The following PTPRK variants were observed in gnomAD, a reference collection of about 807,000 sequenced individuals.
The protein encoded by PTPRK is receptor-type tyrosine-protein phosphatase kappa.
Under a neutral mutation model 178.0 loss-of-function variants are expected in PTPRK, and 75 were observed. That is an observed-to-expected ratio of 0.42 (90% CI 0.35 to 0.51). The LOEUF is 0.51. Among genes scored for constraint, PTPRK ranks in the 20% least tolerant of loss-of-function variants. The pLI is 0.02. For synonymous variants in PTPRK, 637 were observed against 620.6 expected (o/e 1.03, Z -0.39); for missense variants, 1,441 against 1,797.8 (o/e 0.80, Z 3.59).
intron 7 of PTPRK, among the ~76,000 whole-genome samples, chr6:128,176,402 G>A (rs936219225): frequency 2.6e-5 from 4 of 151,758 alleles, no homozygotes; most frequent in Admixed American, 2.6e-4. Flanking sequence ...AATGAAAGAT[G>A]AGTTCTTTAA....
At chr6:128,265,552 C>G (rs1221748558) in intron 3 of PTPRK, among the ~76,000 whole-genome samples, 1 of 152,066 alleles carries the variant, frequency 6.6e-6, no homozygotes, top group Non-Finnish European at 1.5e-5. Context: ...CAAGGTCGCA[C>G]AGCTATTCAG....
At chr6:127,991,725 C>A (rs1776639709) in intron 19 of PTPRK, among the ~76,000 whole-genome samples, 2 of 151,406 alleles carry the variant, frequency 1.3e-5, no homozygotes, top group Admixed American at 1.3e-4. Flanking sequence ...CTTATACCAC[C>A]ATCAACCAGA....
chr6:128,430,811 A>T (rs770088849), intron 1 of PTPRK, among the ~76,000 whole-genome samples: 8 of 152,150 alleles, frequency 5.3e-5, no homozygotes, highest in Non-Finnish European at 1.2e-4. Context: ...CTGAACTGGC[A>T]CCACACACCC....
chr6:128,458,988 A>G (rs1848711299), intron 1 of PTPRK, among the ~76,000 whole-genome samples: 1 of 152,178 alleles, frequency 6.6e-6, no homozygotes, highest in African/African-American at 2.4e-5. Context: ...AAAATTATAT[A>G]TACACTTAAA....
At chr6:128,221,523 CAAAAAAAA>C (rs578034379) in intron 5 of PTPRK, among the ~76,000 whole-genome samples, 2 of 122,374 alleles carry the variant, frequency 1.6e-5, no homozygotes, top group African/African-American at 5.8e-5. Context: ...GATTCTGTCT[CAAAAAAAA>C]AAAAAATAAT....
In PTPRK at chr6:128,314,803, A is replaced by G. The variant is rs149697195; in HGVS notation, c.495+7236T>C. On this transcript the variant is annotated intron_variant, in intron 3 of 29. Transcript: ENST00000368226. ...GAACTAATCCAAACCTTTACCCAATATACAAAATGGCCTCTACTTTTTTCT... is the reference window on the plus strand; with the variant it reads ...GAACTAATCCAAACCTTTACCCAATGTACAAAATGGCCTCTACTTTTTTCT... 7.6e-4 allele frequency among the ~76,000 whole-genome samples: 116 copies of G among 152,080 alleles called. 1 individual carries two copies. The highest frequency in any genetic ancestry group is 2.7e-3 in the African/African-American group (113 of 41,480).
Position 127,996,977 on chromosome 6 carries a change from T to A in PTPRK, c.2691A>T (p.Glu897Asp). The change falls in exon 17 of 30, where the codon GAA (glutamate) becomes GAT (aspartate). Residue 897 changes from glutamate to aspartate, a missense_variant. Around this residue, in one of 4 missense-constraint regions of PTPRK, gnomAD observed 945 missense variants for 1,080.6 expected, o/e 0.87. Coordinates refer to ENST00000368226, the MANE Select transcript of PTPRK (RefSeq NM_002844.4). ...CTACATCCCAAGATGCTGACTGTCCTTCAAAAAAGCTCTGGGAAAACAAAA... is the reference window on the plus strand; with the variant it reads ...CTACATCCCAAGATGCTGACTGTCCATCAAAAAAGCTCTGGGAAAACAAAA... ...GFKEEYESFF[E>D]GQSASWDVAK... 1 of 1,611,396 alleles carries A rather than the reference T, an allele frequency of 6.2e-7. No homozygotes were observed. Among genetic ancestry groups the A allele is most frequent in the Non-Finnish European group, 8.5e-7 (1 of 1,178,542 alleles).
chr6:128,257,126 A>G (rs896364457), intron 3 of PTPRK, among the ~76,000 whole-genome samples: 2 of 151,512 alleles, frequency 1.3e-5, no homozygotes, highest in African/African-American at 4.8e-5. Context: ...GCTACTCGGG[A>G]GGCTGAGGCA....
intron 7 of PTPRK, among the ~76,000 whole-genome samples, chr6:128,156,941 C>G (rs1798036208): frequency 6.6e-6 from 1 of 151,792 alleles, no homozygotes; most frequent in African/African-American, 2.4e-5. Context: ...AAGAAGTTAC[C>G]CAACTCCTTT....
intron 3 of PTPRK, among the ~76,000 whole-genome samples, chr6:128,300,465 T>A (rs868479011): frequency 1.5e-3 from 233 of 151,760 alleles, no homozygotes; most frequent in Non-Finnish European, 2.6e-3. Context: ...AAGACTTGGA[T>A]CCAACCCAAA....
chr6:128,272,083 A>G (rs1819912397), intron 3 of PTPRK, among the ~76,000 whole-genome samples: 1 of 152,082 alleles, frequency 6.6e-6, no homozygotes, highest in East Asian at 1.9e-4. Context: ...TCTTTGACAA[A>G]CCTAACAAAA....
At chr6:128,452,615 A>G (rs1390363087) in intron 1 of PTPRK, among the ~76,000 whole-genome samples, 2 of 152,176 alleles carry the variant, frequency 1.3e-5, no homozygotes, top group Admixed American at 6.5e-5. Context: ...AGAAACACCT[A>G]TTGAAAAATC....
At chr6:128,339,568 T>C (rs1831391767) in intron 2 of PTPRK, among the ~76,000 whole-genome samples, 1 of 152,084 alleles carries the variant, frequency 6.6e-6, no homozygotes, top group African/African-American at 2.4e-5. Flanking sequence ...ACAACACACA[T>C]ATGTATCTGG....
chr6:128,430,460 T>C (rs1844690116), intron 1 of PTPRK, among the ~76,000 whole-genome samples: 1 of 152,204 alleles, frequency 6.6e-6, no homozygotes, highest in African/African-American at 2.4e-5. Context: ...TGAACAAGAA[T>C]TTATCAAGTG....
chr6:128,245,491 T>C (rs1815292285), intron 3 of PTPRK, among the ~76,000 whole-genome samples: 1 of 152,132 alleles, frequency 6.6e-6, no homozygotes, highest in African/African-American at 2.4e-5. Context: ...GGTAAGCCGC[T>C]GGAATGGATG....
At chr6:128,219,990 G>A (rs1257962473) in intron 5 of PTPRK, among the ~76,000 whole-genome samples, 1 of 152,126 alleles carries the variant, frequency 6.6e-6, no homozygotes, top group African/African-American at 2.4e-5. Flanking sequence ...AGTCAAAAGA[G>A]CCTAAACTTT....
chr6:128,434,478 C>T (rs1312848696), intron 1 of PTPRK, among the ~76,000 whole-genome samples: 1 of 152,128 alleles, frequency 6.6e-6, no homozygotes, highest in Non-Finnish European at 1.5e-5. Flanking sequence ...GATCCCAACA[C>T]TAAATAGCCA....
intron 1 of PTPRK, chr6:128,409,386 T>C (rs1464801081): frequency 2.3e-6 from 1 of 436,150 alleles, no homozygotes; most frequent in Non-Finnish European, 4.6e-6. Flanking sequence ...GGTAGACACA[T>C]CATAAGTATT....
chr6:128,271,059 AT>A (rs557963847), intron 3 of PTPRK, among the ~76,000 whole-genome samples: 1 of 152,142 alleles, frequency 6.6e-6, no homozygotes, highest in African/African-American at 2.4e-5. Context: ...CCTTGAAGGT[AT>A]TAAAAAAAAA....
Sources: gnomAD v4.1 joint callset for allele counts (sites outside exome capture counted in the v4.1 genomes callset) on GRCh38, gnomAD v4.1.1 for gene constraint, gnomAD v4.1.1 regional missense constraint, MANE v1.5 for transcripts, NCBI Gene and HGNC (gene_info 2026-07-23, HGNC 2026-07-21) for gene names.